The following UBE2E2 variants were observed in gnomAD, a reference collection of about 807,000 sequenced individuals.
The protein encoded by UBE2E2 is ubiquitin conjugating enzyme E2 E2.
A neutral mutation model predicts 24.7 loss-of-function variants in UBE2E2; 6 were observed. That is an observed-to-expected ratio of 0.24 (90% CI 0.13 to 0.48). The LOEUF is 0.48. Ranked by LOEUF, UBE2E2 falls within the 20% of genes least tolerant of loss-of-function variation. The pLI is 0.99. For synonymous variants in UBE2E2, 104 were observed against 83.6 expected (o/e 1.24, Z -1.33); for missense variants, 169 against 245.0 (o/e 0.69, Z 2.07).
chr3:23,545,644 A>G (rs1018731533), intron 5 of UBE2E2, among the ~76,000 whole-genome samples: 17 of 152,206 alleles, frequency 1.1e-4, no homozygotes, highest in Non-Finnish European at 4.4e-5. Context: ...CATTCAATCC[A>G]ACAATCCTAC....
At chr3:23,548,305 C>G (rs1390366900) in intron 5 of UBE2E2, among the ~76,000 whole-genome samples, 4 of 152,202 alleles carry the variant, frequency 2.6e-5, no homozygotes, top group Non-Finnish European at 4.4e-5. Flanking sequence ...TCCTCTTTGT[C>G]TTGTTCCTAT....
intron 5 of UBE2E2, among the ~76,000 whole-genome samples, chr3:23,560,593 T>A (rs991531251): frequency 6.6e-6 from 1 of 151,908 alleles, no homozygotes; most frequent in East Asian, 1.9e-4. Context: ...GTAATGGGAT[T>A]GCTGGGTCAA....
chr3:23,436,536 G>T (rs1001648043), intron 3 of UBE2E2, among the ~76,000 whole-genome samples: 3 of 150,976 alleles, frequency 2.0e-5, no homozygotes, highest in Non-Finnish European at 4.4e-5. Flanking sequence ...CTGAGTATAA[G>T]TTCTAATTAT....
chr3:23,222,017 C>T (rs950232636), intron 3 of UBE2E2, among the ~76,000 whole-genome samples: 6 of 152,044 alleles, frequency 3.9e-5, no homozygotes, highest in Non-Finnish European at 8.8e-5. Flanking sequence ...CACTCCCCTT[C>T]CTGGCCTCTG....
intron 5 of UBE2E2, among the ~76,000 whole-genome samples, chr3:23,558,241 T>C (rs1485814155): frequency 1.3e-5 from 2 of 152,176 alleles, no homozygotes; most frequent in African/African-American, 4.8e-5. Context: ...CATGTTTCAT[T>C]CTCAGTCCTC....
At chr3:23,328,904 C>G (rs550444842) in intron 3 of UBE2E2, among the ~76,000 whole-genome samples, 1 of 152,132 alleles carries the variant, frequency 6.6e-6, no homozygotes, top group African/African-American at 2.4e-5. Context: ...TCAAATGATC[C>G]GCCCACCTCG....
chr3:23,542,367 T>G (rs1224434383), intron 5 of UBE2E2, among the ~76,000 whole-genome samples: 1 of 152,182 alleles, frequency 6.6e-6, no homozygotes, highest in Non-Finnish European at 1.5e-5. Context: ...TAATAGTCCA[T>G]GTCCAATTTG....
chr3:23,460,616 C>T (rs1481415068), intron 3 of UBE2E2, among the ~76,000 whole-genome samples: 2 of 151,986 alleles, frequency 1.3e-5, no homozygotes, highest in Non-Finnish European at 2.9e-5. Context: ...ATTCAATTAG[C>T]ATAATTTAAA....
At chr3:23,530,828 C>G (rs185779029) in intron 4 of UBE2E2, among the ~76,000 whole-genome samples, 3 of 152,286 alleles carry the variant, frequency 2.0e-5, no homozygotes, top group East Asian at 3.9e-4. Flanking sequence ...CAAACCTCCA[C>G]TTTATTAAGA....
At chr3:23,329,665 G>A (rs909909311) in intron 3 of UBE2E2, among the ~76,000 whole-genome samples, 1 of 152,206 alleles carries the variant, frequency 6.6e-6, no homozygotes, top group African/African-American at 2.4e-5. Context: ...ACTGGATGGC[G>A]GCACAGTTGT....
chr3:23,368,805 T>C (rs994392507), intron 3 of UBE2E2, among the ~76,000 whole-genome samples: 1 of 152,182 alleles, frequency 6.6e-6, no homozygotes, highest in African/African-American at 2.4e-5. Flanking sequence ...AAATATACTG[T>C]AATGTTTTAA....
chr3:23,416,863 C>T (rs1290538863), intron 3 of UBE2E2, among the ~76,000 whole-genome samples: 1 of 152,108 alleles, frequency 6.6e-6, no homozygotes, highest in Admixed American at 6.5e-5. Flanking sequence ...CTTGTGTATG[C>T]TCCACGAAGT....
At chr3:23,209,532 A>T (rs933972892) in intron 2 of UBE2E2, among the ~76,000 whole-genome samples, 1 of 152,188 alleles carries the variant, frequency 6.6e-6, no homozygotes, top group African/African-American at 2.4e-5. Context: ...TTGAAAGATA[A>T]ATTAAATGTA....
chr3:23,332,126 G>A (rs1459507160), intron 3 of UBE2E2, among the ~76,000 whole-genome samples: 1 of 151,132 alleles, frequency 6.6e-6, no homozygotes, highest in African/African-American at 2.4e-5. Flanking sequence ...TGTATATTCA[G>A]TGCTTTATTA....
At position 23,361,327 on chromosome 3, in the gene UBE2E2, G is replaced by A. The variant is rs993523061; in HGVS notation, c.228-138281G>A. On this transcript the variant is annotated intron_variant, in intron 3 of 5. Transcript: ENST00000396703. Reference sequence around the variant, plus strand: ...TTTGATCCAGCAGTTCCATTACTGGGTATCTACCCAAAGGAAAATAAGTCA... The same window carrying A: ...TTTGATCCAGCAGTTCCATTACTGGATATCTACCCAAAGGAAAATAAGTCA... Among the ~76,000 whole-genome samples, 12 of 152,230 alleles carry A rather than the reference G, an allele frequency of 7.9e-5. 2 individuals carry two copies. Among genetic ancestry groups the A allele is most frequent in the Admixed American group, 2.0e-4 (3 of 15,290 alleles).
intron 3 of UBE2E2, among the ~76,000 whole-genome samples, chr3:23,477,764 T>C (rs569288685): frequency 1.3e-5 from 2 of 152,210 alleles, no homozygotes; most frequent in Admixed American, 1.3e-4. Context: ...CCCACTCAAA[T>C]CTCATCTCAA....
intron 3 of UBE2E2, among the ~76,000 whole-genome samples, chr3:23,354,785 T>G (rs1346933978): frequency 6.6e-6 from 1 of 152,248 alleles, no homozygotes; most frequent in Non-Finnish European, 1.5e-5. Flanking sequence ...TTGGTGGGAA[T>G]GTAAACTAGT....
intron 3 of UBE2E2, among the ~76,000 whole-genome samples, chr3:23,387,175 G>A (rs561921562): frequency 1.3e-5 from 2 of 152,178 alleles, no homozygotes; most frequent in African/African-American, 4.8e-5. Context: ...ACTAAATGTA[G>A]TATTCCTATT....
chr3:23,392,002 A>G (rs985782203), intron 3 of UBE2E2, among the ~76,000 whole-genome samples: 10 of 152,240 alleles, frequency 6.6e-5, no homozygotes, highest in African/African-American at 2.2e-4. Flanking sequence ...AATTTTGTAT[A>G]CATCTTAATG....
Sources: allele counts gnomAD v4.1 joint callset (sites outside exome capture counted in the v4.1 genomes callset), GRCh38; gene constraint gnomAD v4.1.1; transcripts MANE v1.5; gene names NCBI Gene and HGNC (gene_info 2026-07-23, HGNC 2026-07-21).